The following ZBTB16 variants were observed in gnomAD, a reference collection of about 807,000 sequenced individuals.
ZBTB16 encodes the protein zinc finger and BTB domain containing 16.
Under a neutral mutation model 56.8 loss-of-function variants are expected in ZBTB16, and 8 were observed. The observed-to-expected ratio is 0.14, with a 90% CI of 0.08 to 0.25. The LOEUF (loss-of-function observed/expected upper bound fraction) is 0.25, where lower values mean the gene tolerates loss of function less well. ZBTB16 is among the 10% of genes least tolerant of loss of function. The pLI, the probability that ZBTB16 is intolerant of heterozygous loss-of-function variation, is 1.00. For missense variants in ZBTB16, 625 were observed against 903.0 expected (o/e 0.69, Z 3.95); for synonymous variants, 363 against 368.5 (o/e 0.98, Z 0.17).
intron 4 of ZBTB16, among the ~76,000 whole-genome samples, chr11:114,195,566 G>C (rs1943586941): frequency 6.6e-6 from 1 of 152,204 alleles, no homozygotes; most frequent in African/African-American, 2.4e-5. Context: ...TTGTCATGCA[G>C]ATTGCAGGGA....
chr11:114,248,342 C>T (rs1944855387), intron 6 of ZBTB16, among the ~76,000 whole-genome samples: 1 of 152,240 alleles, frequency 6.6e-6, no homozygotes, highest in South Asian at 2.1e-4. Flanking sequence ...TAATTTTTCA[C>T]ATTTCTTCAC....
chr11:114,195,186 C>T (rs886881809), intron 4 of ZBTB16, among the ~76,000 whole-genome samples: 11 of 152,108 alleles, frequency 7.2e-5, no homozygotes, highest in Non-Finnish European at 1.5e-4. Flanking sequence ...TAGAGGGCAG[C>T]GAGATAACTT....
At chr11:114,187,136 A>G (rs1417741786) in intron 4 of ZBTB16, 98 bp downstream of exon 4, 10 of 1,170,026 alleles carry the variant, frequency 8.5e-6, no homozygotes, top group African/African-American at 1.5e-5. Flanking sequence ...AGCAAATGTG[A>G]CATCCAGTAA....
chr11:114,206,627 T>G (rs554774415), intron 4 of ZBTB16, among the ~76,000 whole-genome samples: 5 of 152,352 alleles, frequency 3.3e-5, no homozygotes, highest in Admixed American at 2.6e-4. Context: ...AGCTGTGCTG[T>G]TCTAAGCATT....
intron 2 of ZBTB16, among the ~76,000 whole-genome samples, chr11:114,095,456 T>C (rs1384056314): frequency 1.3e-5 from 2 of 151,962 alleles, no homozygotes; most frequent in Non-Finnish European, 2.9e-5. Flanking sequence ...GAGACGGGGT[T>C]TCACCGTGTT....
chr11:114,112,003 T>G (rs899439035), intron 2 of ZBTB16, among the ~76,000 whole-genome samples: 2 of 152,196 alleles, frequency 1.3e-5, no homozygotes, highest in African/African-American at 2.4e-5. Context: ...TTGTCAATTT[T>G]TTTGTGGGGG....
chr11:114,237,386 CCT>C (rs1944614254), intron 4 of ZBTB16: 1 of 152,364 alleles, frequency 6.6e-6, no homozygotes, highest in African/African-American at 2.4e-5. Context: ...TTTTCCTTCC[CCT>C]GTGTCATGTG....
intron 2 of ZBTB16, among the ~76,000 whole-genome samples, chr11:114,070,359 CG>C (rs1939301624): frequency 1.3e-5 from 2 of 151,998 alleles, no homozygotes; most frequent in African/African-American, 4.8e-5. Context: ...CCACCCGCCT[CG>C]GCCTCCCAAA....
chr11:114,098,156 C>G (rs1468888716), intron 2 of ZBTB16, among the ~76,000 whole-genome samples: 4 of 151,996 alleles, frequency 2.6e-5, no homozygotes, highest in Non-Finnish European at 4.4e-5. Flanking sequence ...ATTTAAAGAC[C>G]CATAAGGAAA....
chr11:114,190,460 T>A (rs1943465161), intron 4 of ZBTB16, among the ~76,000 whole-genome samples: 1 of 152,198 alleles, frequency 6.6e-6, no homozygotes, highest in Non-Finnish European at 1.5e-5. Flanking sequence ...TATTTTATAA[T>A]AAAATTGTTG....
chr11:114,172,880 C>T (rs779287288), intron 3 of ZBTB16, among the ~76,000 whole-genome samples: 1 of 152,040 alleles, frequency 6.6e-6, no homozygotes, highest in African/African-American at 2.4e-5. Context: ...TGTTTTTTTC[C>T]GGCAGGGAGG....
At chr11:114,159,082 G>A (rs150486861) in intron 3 of ZBTB16, among the ~76,000 whole-genome samples, 172 of 152,342 alleles carry the variant, frequency 1.1e-3, no homozygotes, top group African/African-American at 4.0e-3. Flanking sequence ...TGGTGGAAGC[G>A]GCTGCAGAAA....
At chr11:114,117,066 A>G (rs1941194309) in intron 2 of ZBTB16, among the ~76,000 whole-genome samples, 1 of 152,222 alleles carries the variant, frequency 6.6e-6, no homozygotes, top group Non-Finnish European at 1.5e-5. Context: ...TGTAAGCAAG[A>G]TCTTAAAAGA....
At chr11:114,133,498 G>A (rs1053488088) in intron 2 of ZBTB16, among the ~76,000 whole-genome samples, 1 of 152,198 alleles carries the variant, frequency 6.6e-6, no homozygotes, top group Non-Finnish European at 1.5e-5. Flanking sequence ...GTGAGTTTGA[G>A]GTCCAACAGG....
chr11:114,176,002 CGT>C (rs1051177549), intron 3 of ZBTB16, among the ~76,000 whole-genome samples: 1 of 142,048 alleles, frequency 7.0e-6, no homozygotes, highest in African/African-American at 2.7e-5. Flanking sequence ...TGTGTGTGTG[CGT>C]GCGTGTGTGT....
intron 4 of ZBTB16, among the ~76,000 whole-genome samples, chr11:114,236,490 A>G (rs761625271): frequency 1.5e-4 from 23 of 152,170 alleles, no homozygotes; most frequent in Non-Finnish European, 2.8e-4. Context: ...ACATGGAGTG[A>G]CAACGAAGGA....
intron 2 of ZBTB16, among the ~76,000 whole-genome samples, chr11:114,105,261 C>T (rs7116572): frequency 0.086 from 12,827 of 149,392 alleles, 1,747 homozygotes; most frequent in African/African-American, 0.29. Context: ...TTTTTTGAGA[C>T]GTGGAGTCTC....
chr11:114,108,981 G>A (rs546898179), intron 2 of ZBTB16, among the ~76,000 whole-genome samples: 1 of 152,324 alleles, frequency 6.6e-6, no homozygotes, highest in Admixed American at 6.5e-5. Context: ...TACCTCCTGC[G>A]TGTGCTTCCC....
At chr11:114,231,061 CT>C (rs991313934) in intron 4 of ZBTB16, among the ~76,000 whole-genome samples, 1 of 152,106 alleles carries the variant, frequency 6.6e-6, no homozygotes, top group African/African-American at 2.4e-5. Flanking sequence ...CTCAGGATGA[CT>C]TTGGGAATGT....
Sources: gnomAD v4.1 joint callset for allele counts (sites outside exome capture counted in the v4.1 genomes callset) on GRCh38, gnomAD v4.1.1 for gene constraint, MANE v1.5 for transcripts, NCBI Gene and HGNC (gene_info 2026-07-23, HGNC 2026-07-21) for gene names.